LPCAT1: variants seen among roughly 807,000 people sequenced by gnomAD.
LPCAT1 encodes lysophosphatidylcholine acyltransferase 1.
In LPCAT1, 23 loss-of-function variants were observed where a neutral mutation model predicts 60.9. The ratio of observed to expected loss-of-function variants is 0.38; its 90% CI spans 0.27 to 0.53. The LOEUF (loss-of-function observed/expected upper bound fraction) is 0.53. LPCAT1 is among the 20% of genes least tolerant of loss of function. The probability of loss-of-function intolerance (pLI) is 0.82; values close to 1 mark genes in which losing one functional copy is unlikely to be tolerated. For synonymous variants in LPCAT1, 340 were observed against 301.1 expected (o/e 1.13, Z -1.34); for missense variants, 622 against 723.6 (o/e 0.86, Z 1.61).
chr5:1,493,090 C>T (rs918680613), intron 3 of LPCAT1, among the ~76,000 whole-genome samples: 9 of 152,226 alleles, frequency 5.9e-5, no homozygotes, highest in African/African-American at 2.2e-4. Flanking sequence ...GAGCCAAGGC[C>T]ATCACTCGGA....
intron 9 of LPCAT1, among the ~76,000 whole-genome samples, 154 bp from the exon 10 acceptor site, chr5:1,474,839 A>T (rs1734835775): frequency 6.6e-6 from 1 of 152,192 alleles, no homozygotes. Flanking sequence ...TCACACATTC[A>T]TCGATCAGCT....
chr5:1,479,707 T>C, intron 7 of LPCAT1, 32 bp from the exon 8 acceptor site: 3 of 1,559,216 alleles, frequency 1.9e-6, no homozygotes, highest in Non-Finnish European at 2.7e-6. Flanking sequence ...GTTGAGCAGA[T>C]TTACAACTCG....
At chr5:1,479,304 C>G (rs1456780318) in intron 8 of LPCAT1, among the ~76,000 whole-genome samples, 1 of 152,158 alleles carries the variant, frequency 6.6e-6, no homozygotes, top group Non-Finnish European at 1.5e-5. Flanking sequence ...ATCACTTGGG[C>G]CCAGGAGGTC....
intron 4 of LPCAT1, 28 bp downstream of exon 4, chr5:1,489,718 G>C (rs1735502251): frequency 1.3e-6 from 2 of 1,497,764 alleles, no homozygotes; most frequent in Non-Finnish European, 1.9e-6. Flanking sequence ...TAAAACCACT[G>C]AAACACAATC....
chr5:1,485,759 C>T lies in LPCAT1; in HGVS notation c.668-2273G>A, dbSNP rs543322771. Reference sequence around the variant, plus strand: ...GCCACATCCATGTTTGCTCACAGCCCGTGCAGGGAGGCCGGGGAGAGCCAC... The same window carrying T: ...GCCACATCCATGTTTGCTCACAGCCTGTGCAGGGAGGCCGGGGAGAGCCAC... On this transcript the variant is annotated intron_variant, in intron 5 of 13. Coordinates refer to ENST00000283415, the MANE Select transcript of LPCAT1 (RefSeq NM_024830.5). Among the ~76,000 whole-genome samples, 11 of 151,600 alleles carry T rather than the reference C, an allele frequency of 7.3e-5. No individual in the cohort carries two copies. The East Asian group carries it at 9.7e-4, about 13-fold the overall frequency.
rs1477738697 is a variant in LPCAT1, at chr5:1,477,277, G to A, written c.899+127C>T. 2 of 736,362 alleles carry A rather than the reference G, an allele frequency of 2.7e-6. No individual in the cohort carries two copies. Among genetic ancestry groups the A allele is most frequent in the Non-Finnish European group, 2.3e-6 (1 of 435,848 alleles). The allele number at this position is 736,362 out of a possible 1,614,324, so 45.6% of individuals were successfully genotyped here. A position where few individuals can be genotyped will look rare whatever the true frequency, so the allele number is the denominator to read the frequency against. ...CCAAGCACGCTTCACCAACATGCATGAAGCTGGTTCCCGCACTTCTGCAAG... is the reference window on the plus strand; with the variant it reads ...CCAAGCACGCTTCACCAACATGCATAAAGCTGGTTCCCGCACTTCTGCAAG... On this transcript the variant is annotated intron_variant, in intron 9 of 13. Coordinates refer to ENST00000283415, the MANE Select transcript of LPCAT1 (RefSeq NM_024830.5). The surrounding 1 kb of genome is among the most constrained non-coding windows in gnomAD (Gnocchi z 6.0).
chr5:1,489,464 G>A (rs574074321), intron 4 of LPCAT1, among the ~76,000 whole-genome samples: 8 of 152,366 alleles, frequency 5.3e-5, no homozygotes, highest in South Asian at 2.1e-4. Context: ...GCACCAGGAG[G>A]GCGGGTGAGC....
chr5:1,510,347 A>ACCGCCTC (rs1177603161), intron 1 of LPCAT1, among the ~76,000 whole-genome samples: 1 of 152,176 alleles, frequency 6.6e-6, no homozygotes, highest in Non-Finnish European at 1.5e-5. Context: ...AACCAGCCGT[A>ACCGCCTC]CCGCCTCCCG....
Position 1,511,170 on chromosome 5 carries a change from T to A in LPCAT1, c.136-9567A>T, listed in dbSNP as rs184884912. On this transcript the variant is annotated intron_variant, in intron 1 of 13. Transcript: ENST00000283415. ...GCTCATGCCCACGCAGGCCTTTCTG[T>A]GGATCTCCACACACAGCACCTCCGA... Among the ~76,000 whole-genome samples, 57 of 152,324 alleles carry A rather than the reference T, an allele frequency of 3.7e-4. 1 individual carries two copies. In the East Asian group the frequency reaches 8.9e-3, roughly 24 times the overall value.
In LPCAT1 at chr5:1,487,725, T is replaced by C. The variant is rs1479105226; in HGVS notation, c.667+666A>G. Among the ~76,000 whole-genome samples, 1 of 151,898 alleles carries C rather than the reference T, an allele frequency of 6.6e-6. No homozygotes were observed. The highest frequency in any genetic ancestry group is 1.5e-5 in the Non-Finnish European group (1 of 67,988). The stretch of plus-strand genomic sequence containing the variant: ...GGACACAGTTGATGAAAGCCACTAC[T>C]TTCTAAAGTAGCCCAAGGGAGACGA... On this transcript the variant is annotated intron_variant, in intron 5 of 13. Coordinates refer to ENST00000283415, the MANE Select transcript of LPCAT1 (RefSeq NM_024830.5). This position sits in a 1 kb window ranked among gnomAD's most constrained non-coding sequence, Gnocchi z 6.1.
At position 1,516,769 on chromosome 5, in the gene LPCAT1, C is replaced by T. The variant is rs540470488; in HGVS notation, c.135+6941G>A. Among the ~76,000 whole-genome samples, 3 of 152,292 alleles carry T rather than the reference C, an allele frequency of 2.0e-5. No homozygotes were observed. The East Asian group carries it at 5.8e-4, about 29-fold the overall frequency. The stretch of plus-strand genomic sequence containing the variant: ...GGCTGCTGTCCCCAGGTACCAGCCC[C>T]CACCCCAGCAGTGTCTCCCCACACA... On this transcript the variant is annotated intron_variant, in intron 1 of 13. Coordinates refer to ENST00000283415, the MANE Select transcript of LPCAT1 (RefSeq NM_024830.5).
At chr5:1,473,867 A>G in intron 11 of LPCAT1, 90 bp downstream of exon 11, 1 of 1,483,178 alleles carries the variant, frequency 6.7e-7, no homozygotes, top group Non-Finnish European at 9.1e-7. Context: ...AATTCATGTG[A>G]AAATATATTT....
In LPCAT1 at chr5:1,463,574, C is replaced by A; in HGVS notation, c.*77G>T. On this transcript the variant is annotated 3_prime_UTR_variant, in exon 14 of 14. Coordinates refer to ENST00000283415, the MANE Select transcript of LPCAT1 (RefSeq NM_024830.5). ...GTACAGCAGGAGTGAGGAGCGGAGC[C>A]CAGAGGTCACTCGCAAAGAGGCTCA... The A allele has an allele frequency of 6.6e-7, 1 of 1,510,372 alleles. No individual in the cohort carries two copies. The highest frequency in any genetic ancestry group is 9.0e-7 in the Non-Finnish European group (1 of 1,105,202). 93.6% of individuals were successfully genotyped at this position (1,510,372 alleles called of 1,614,324 possible).
rs1211982645 is a variant in LPCAT1 at position 1,476,498 on chromosome 5, G to A, written c.899+906C>T. ...CAGGCACACTCTGATGGGCCCGGCC[G>A]TGGCTGTGTTCCCCTCTGGGCTCTC... On this transcript the variant is annotated intron_variant, in intron 9 of 13. Coordinates refer to ENST00000283415, the MANE Select transcript of LPCAT1 (RefSeq NM_024830.5). The surrounding 1 kb of genome is among the most constrained non-coding windows in gnomAD (Gnocchi z 8.6). Among the ~76,000 whole-genome samples, 1 of 152,124 alleles carries A rather than the reference G, an allele frequency of 6.6e-6. No individual in the cohort carries two copies. Among genetic ancestry groups the A allele is most frequent in the Non-Finnish European group, 1.5e-5 (1 of 68,024 alleles).
At position 1,463,372 on chromosome 5, in the gene LPCAT1, C is replaced by T. The variant is rs1734184845; in HGVS notation, c.*279G>A. The T allele has an allele frequency of 1.4e-5, 6 of 435,292 alleles. No homozygotes were observed. The South Asian group carries it at 1.6e-4, about 11-fold the overall frequency. 27.0% of individuals were successfully genotyped at this position (435,292 alleles called of 1,614,324 possible). On this transcript the variant is annotated 3_prime_UTR_variant, in exon 14 of 14. Transcript: ENST00000283415. ...CCCCGTGGGAGAACACGGGGCGGCA[C>T]CGGTGCCCCCCGCCCGGCAGGGAAC...
At chr5:1,520,317 C>T (rs575521649) in intron 1 of LPCAT1, among the ~76,000 whole-genome samples, 1 of 152,284 alleles carries the variant, frequency 6.6e-6, no homozygotes, top group East Asian at 1.9e-4. Flanking sequence ...AAAAAGATGG[C>T]CCACTTTTGG....
At chr5:1,490,478 G>A (rs1391521126) in intron 3 of LPCAT1, among the ~76,000 whole-genome samples, 4 of 152,256 alleles carry the variant, frequency 2.6e-5, no homozygotes, top group Non-Finnish European at 5.9e-5. Context: ...ATAGGAGGAT[G>A]TGGCCACAGC....
intron 1 of LPCAT1, among the ~76,000 whole-genome samples, chr5:1,520,874 A>AAAAAAAG (rs1736652895): frequency 1.3e-5 from 2 of 150,618 alleles, no homozygotes; most frequent in African/African-American, 4.9e-5. Flanking sequence ...AAAAAAAAAA[A>AAAAAAAG]AAAAAGAAAA....
At chr5:1,482,856 C>T (rs1223403783) in intron 6 of LPCAT1, among the ~76,000 whole-genome samples, 1 of 152,156 alleles carries the variant, frequency 6.6e-6, no homozygotes, top group Admixed American at 6.5e-5. Context: ...TGGGGTCTAC[C>T]ACCTTCGCCC....
Sources: allele counts gnomAD v4.1 joint callset (sites outside exome capture counted in the v4.1 genomes callset), GRCh38; gene constraint gnomAD v4.1.1; non-coding constraint Gnocchi (gnomAD v3.1); transcripts MANE v1.5; gene names NCBI Gene and HGNC (gene_info 2026-07-23, HGNC 2026-07-21).